Variants in TTLL10 observed in about 807,000 individuals in gnomAD.
TTLL10 encodes inactive polyglycylase TTLL10.
A neutral mutation model predicts 69.0 loss-of-function variants in TTLL10; 61 were observed. The ratio of observed to expected loss-of-function variants is 0.88; its 90% CI spans 0.72 to 1.09. TTLL10 has a LOEUF of 1.09. Ranked by LOEUF, TTLL10 falls within the 50% of genes least tolerant of loss-of-function variation. TTLL10 has a pLI of 0.00. For missense variants in TTLL10, 962 were observed against 945.9 expected (o/e 1.02, Z -0.22); for synonymous variants, 408 against 393.3 (o/e 1.04, Z -0.44).
At chr1:1,177,893 C>G (rs1646923726) in intron 3 of TTLL10, among the ~76,000 whole-genome samples, 1 of 152,320 alleles carries the variant, frequency 6.6e-6, no homozygotes, top group East Asian at 1.9e-4. Context: ...CATTCTTGCC[C>G]AGCCCACCCT....
rs553968797 is a variant in TTLL10, at chr1:1,184,303, G to A, written c.1260+212G>A. ...CTTTTGGCCACGTCAGAAGAAGGGCGTGGCAGGGACCCCGTTAGCTGGTGA... is the reference window on the plus strand; with the variant it reads ...CTTTTGGCCACGTCAGAAGAAGGGCATGGCAGGGACCCCGTTAGCTGGTGA... On this transcript the variant is annotated intron_variant, in intron 12 of 15. Coordinates refer to ENST00000379289, the MANE Select transcript of TTLL10 (RefSeq NM_001130045.2). 1.2e-4 allele frequency among the ~76,000 whole-genome samples: 19 copies of A among 152,358 alleles called. No homozygotes were observed. The South Asian group carries it at 1.9e-3, about 15-fold the overall frequency.
At position 1,197,430 on chromosome 1, in the gene TTLL10, C is replaced by A; in HGVS notation, c.1613-8C>A. 1 of 1,525,708 alleles carries A rather than the reference C, an allele frequency of 6.6e-7. No homozygotes were observed. The highest frequency in any genetic ancestry group is 8.8e-7 in the Non-Finnish European group (1 of 1,136,820). The allele number at this position is 1,525,708 out of a possible 1,614,324, so 94.5% of individuals were successfully genotyped here. A position where few individuals can be genotyped will look rare whatever the true frequency, so the allele number is the denominator to read the frequency against. ...CCCCACTCACCCTCTCTCCCCCACC[C>A]GCACCAGACCTGGTGCTCGAGACCT... On this transcript the variant is annotated splice_region_variant and splice_polypyrimidine_tract_variant and intron_variant, in intron 15 of 15. Transcript: ENST00000379289.
intron 14 of TTLL10, 28 bp downstream of exon 14, chr1:1,196,744 G>A (rs1440808959): frequency 1.2e-5 from 18 of 1,453,718 alleles, no homozygotes; most frequent in Non-Finnish European, 1.6e-5. Flanking sequence ...GGGGGGCACA[G>A]TAGACAGATG....
chr1:1,179,962 C>T, intron 5 of TTLL10, 72 bp from the exon 6 acceptor site: 1 of 1,449,270 alleles, frequency 6.9e-7, no homozygotes, highest in South Asian at 1.5e-5. Flanking sequence ...TGGGAGCAAA[C>T]TGGCTGAGCC....
intron 12 of TTLL10, among the ~76,000 whole-genome samples, 197 bp downstream of exon 12, chr1:1,184,288 C>T (rs917816579): frequency 2.6e-5 from 4 of 152,334 alleles, no homozygotes; most frequent in Admixed American, 6.5e-5. Flanking sequence ...CTTTTGGCCA[C>T]GTCAGAAGAA....
chr1:1,179,227 C>T lies in TTLL10; in HGVS notation c.12C>T (p.Ser4=). MDH[S]CTRFIHRRGP... ...GCACCCCCCGGCCAATGGACCACAG[C>T]TGCACCCGGTTCATCCACCGCCGGG... Residue 4 remains serine, a synonymous_variant, in exon 4 of 16, where the codon AGC becomes AGT. Transcript: ENST00000379289. The T allele has an allele frequency of 6.5e-7, 1 of 1,546,608 alleles. No individual in the cohort carries two copies. Among genetic ancestry groups the T allele is most frequent in the Non-Finnish European group, 8.7e-7 (1 of 1,144,626 alleles).
Position 1,184,092 on chromosome 1 carries a change from G to C in TTLL10, c.1260+1G>C, listed in dbSNP as rs533398898. The C allele has an allele frequency of 1.2e-6, 2 of 1,614,166 alleles. No homozygotes were observed. The highest frequency in any genetic ancestry group is 8.5e-7 in the Non-Finnish European group (1 of 1,180,014). On this transcript the variant is annotated splice_donor_variant, in intron 12 of 15. Coordinates refer to ENST00000379289, the MANE Select transcript of TTLL10 (RefSeq NM_001130045.2). LOFTEE classifies it high-confidence loss of function. The stretch of plus-strand genomic sequence containing the variant: ...CCTCGGCGGCCACTTGACCAACCAG[G>C]TGAGTCTGCCATGGGTGAGGGCCCT...
At chr1:1,175,380 T>C (rs1646839221) in intron 3 of TTLL10, 3 of 300,752 alleles carry the variant, frequency 1.0e-5, no homozygotes, top group Non-Finnish European at 1.9e-5. Flanking sequence ...CACCTGATGC[T>C]GCTGCTTCTG....
At chr1:1,189,879 G>A (rs757781677) in intron 13 of TTLL10, among the ~76,000 whole-genome samples, 74 of 152,218 alleles carry the variant, frequency 4.9e-4, no homozygotes, top group Middle Eastern at 3.4e-3. Flanking sequence ...TTGGGAGGCC[G>A]AGGAAGGTGG....
chr1:1,190,783 C>T (rs1005302193), intron 13 of TTLL10, among the ~76,000 whole-genome samples: 4 of 151,982 alleles, frequency 2.6e-5, no homozygotes, highest in Non-Finnish European at 5.9e-5. Context: ...TAAGATTTTG[C>T]GTGTTGTCTT....
In TTLL10 at chr1:1,180,332, G is replaced by A. The variant is rs751997624; in HGVS notation, c.498G>A (p.Gly166=). 141 of 1,571,996 alleles carry A rather than the reference G, an allele frequency of 9.0e-5. No individual in the cohort carries two copies. The highest frequency in any genetic ancestry group is 1.1e-4 in the African/African-American group (8 of 73,848). ...TCTTCTACATTGGAGGCAGCAACGG[G>A]GCCACAATGTGAGTAGCGGCCCTGG... ...GPFFYIGGSN[G]ATIISSYCKS... The change falls in exon 6 of 16, where the codon GGG becomes GGA. Residue 166 remains glycine (G), a synonymous_variant. Coordinates refer to ENST00000379289, the MANE Select transcript of TTLL10 (RefSeq NM_001130045.2).
chr1:1,183,791 C>T, intron 11 of TTLL10, 129 bp from the exon 12 acceptor site: 1 of 1,244,248 alleles, frequency 8.0e-7, no homozygotes, highest in Non-Finnish European at 1.1e-6. Context: ...GCCCCCTTTC[C>T]CTGGAGGTCA....
chr1:1,196,267 T>C (rs1004325107), intron 13 of TTLL10: 2 of 283,548 alleles, frequency 7.1e-6, no homozygotes, highest in African/African-American at 4.3e-5. Context: ...CACGTTAAAA[T>C]ACAACATAAT....
chr1:1,197,156 G>T lies in TTLL10; in HGVS notation c.1582G>T (p.Val528Phe), dbSNP rs764129576. ...LHTNCEVLKE[V>F]IPGVVIETLD... ...CACCAACTGCGAGGTCCTGAAGGAGGTCATCCCAGGTGTGGTCATCGAGAC... is the reference window on the plus strand; with the variant it reads ...CACCAACTGCGAGGTCCTGAAGGAGTTCATCCCAGGTGTGGTCATCGAGAC... The change falls in exon 15 of 16, where the codon GTC becomes TTC. Residue 528 changes from valine to phenylalanine, a missense_variant. By Grantham distance (50) the Val-to-Phe change is conservative. Transcript: ENST00000379289. 2.1e-5 allele frequency: 32 copies of T among 1,550,604 alleles called. 1 individual carries two copies. The South Asian group carries it at 3.6e-4, about 17-fold the overall frequency.
In TTLL10 at chr1:1,180,784, G is replaced by T; in HGVS notation, c.679G>T (p.Gly227Trp). ...PNNKLLTTKI[G>W]LLSTLRGRAR... Reference sequence around the variant, plus strand: ...CAACAAGCTCCTCACCACCAAGATCGGGCTGCTCAGCACCCTTCGGGGACG... The same window carrying T: ...CAACAAGCTCCTCACCACCAAGATCTGGCTGCTCAGCACCCTTCGGGGACG... Residue 227 changes from glycine to tryptophan, a missense_variant, in exon 8 of 16, where the codon GGG becomes TGG. By Grantham distance (184) the Gly-to-Trp change is radical. Transcript: ENST00000379289. 1.2e-6 allele frequency: 2 copies of T among 1,607,636 alleles called. No individual in the cohort carries two copies. The highest frequency in any genetic ancestry group is 1.1e-5 in the South Asian group (1 of 89,522).
At chr1:1,180,458 T>TCCCCCCCCCCCCC in intron 6 of TTLL10, 25 bp from the exon 7 acceptor site, 4 of 942,116 alleles carry the variant, frequency 4.2e-6, no homozygotes, top group Non-Finnish European at 6.1e-6. Flanking sequence ...GGCCCCCAGG[T>TCCCCCCCCCCCCC]CACCCCCGCC....
At position 1,179,451 on chromosome 1, in the gene TTLL10, A is replaced by G. The variant is rs765387292; in HGVS notation, c.118+118A>G. The G allele has an allele frequency of 3.3e-4, 400 of 1,230,606 alleles. 1 individual carries two copies. Among genetic ancestry groups the G allele is most frequent in the Admixed American group, 1.6e-4 (8 of 49,318 alleles). The allele number at this position is 1,230,606 out of a possible 1,614,324, so 76.2% of individuals were successfully genotyped here. A position where few individuals can be genotyped will look rare whatever the true frequency, so the allele number is the denominator to read the frequency against. On this transcript the variant is annotated intron_variant, in intron 4 of 15. Coordinates refer to ENST00000379289, the MANE Select transcript of TTLL10 (RefSeq NM_001130045.2). ...CATGGGGCAGGGGCAGGATCCACAC[A>G]TGGCCATGCCCCGCTGCTCCGAGAG...
In TTLL10 at chr1:1,197,884, C is replaced by T. The variant is rs1200992839; in HGVS notation, c.*37C>T. 3.6e-6 allele frequency: 5 copies of T among 1,393,886 alleles called. No individual in the cohort carries two copies. The highest frequency in any genetic ancestry group is 4.6e-6 in the Non-Finnish European group (5 of 1,075,632). 86.3% of individuals were successfully genotyped at this position (1,393,886 alleles called of 1,614,324 possible). On this transcript the variant is annotated 3_prime_UTR_variant, in exon 16 of 16. Transcript: ENST00000379289. ...CGCGCCCAGCGCCCCGCGCCCCGCG[C>T]CCCAGCCGTGCTGCCTGCCCTCAGG...
chr1:1,197,918 A>C lies in TTLL10; in HGVS notation c.*71A>C. ...TGCTGCCTGCCCTCAGGGACCTATA[A>C]AGCCCACTTTGCTACAAACACAGTC... On this transcript the variant is annotated 3_prime_UTR_variant, in exon 16 of 16. Transcript: ENST00000379289. The C allele has an allele frequency of 7.3e-7, 1 of 1,363,180 alleles. No homozygotes were observed. Among genetic ancestry groups the C allele is most frequent in the Non-Finnish European group, 9.4e-7 (1 of 1,059,500 alleles). 84.4% of individuals were successfully genotyped at this position (1,363,180 alleles called of 1,614,324 possible). A position where few individuals can be genotyped will look rare whatever the true frequency, so the allele number is the denominator to read the frequency against.
Sources: gnomAD v4.1 joint callset for allele counts (sites outside exome capture counted in the v4.1 genomes callset) on GRCh38, gnomAD v4.1.1 for gene constraint, MANE v1.5 for transcripts, NCBI Gene and HGNC (gene_info 2026-07-23, HGNC 2026-07-21) for gene names.